The following ATF7 variants were observed in gnomAD, a reference collection of about 807,000 sequenced individuals.
ATF7 encodes cyclic AMP-dependent transcription factor ATF-7.
Under a neutral mutation model 50.4 loss-of-function variants are expected in ATF7, and 10 were observed. That is an observed-to-expected ratio of 0.20 (90% CI 0.12 to 0.34). The LOEUF is 0.34. Among genes scored for constraint, ATF7 ranks in the 10% least tolerant of loss-of-function variants. The pLI is 1.00. For missense variants in ATF7, 465 were observed against 613.9 expected (o/e 0.76, Z 2.56); for synonymous variants, 201 against 226.4 (o/e 0.89, Z 1.01).
At chr12:53,593,842 T>C (rs1487081291) in intron 2 of ATF7, among the ~76,000 whole-genome samples, 2 of 152,208 alleles carry the variant, frequency 1.3e-5, no homozygotes, top group Non-Finnish European at 2.9e-5. Context: ...GATTACTTAT[T>C]ATTATTTATA....
intron 2 of ATF7, among the ~76,000 whole-genome samples, chr12:53,590,239 C>T (rs763307635): frequency 1.3e-5 from 2 of 152,184 alleles, no homozygotes; most frequent in Non-Finnish European, 2.9e-5. Context: ...ATATCACAGT[C>T]GTCATTAAAC....
At chr12:53,585,394 T>C (rs1311613082) in intron 2 of ATF7, among the ~76,000 whole-genome samples, 1 of 152,144 alleles carries the variant, frequency 6.6e-6, no homozygotes, top group African/African-American at 2.4e-5. Context: ...CAAATTAGCA[T>C]TGTGGTTCAG....
chr12:53,582,727 C>T (rs180988031), intron 2 of ATF7, among the ~76,000 whole-genome samples: 3 of 152,188 alleles, frequency 2.0e-5, no homozygotes, highest in South Asian at 2.1e-4. Context: ...TACAAGTCCC[C>T]GCCACCACGC....
At chr12:53,599,221 G>A (rs76525569) in intron 2 of ATF7, among the ~76,000 whole-genome samples, 1 of 146,230 alleles carries the variant, frequency 6.8e-6, no homozygotes. Flanking sequence ...TTTTTTTTTT[G>A]TAAAGACAGG....
Position 53,600,968 on chromosome 12 carries a change from G to A in ATF7, c.33C>T (p.Ala11=). Residue 11 remains alanine, a synonymous_variant, in exon 2 of 12, where the codon GCC becomes GCT. Transcript: ENST00000420353. MGDDRPFVCN[A]PGCGQRFTNE... ...GTAAACGTACCTGTCCACAGCCCGG[G>A]GCATTGCACACAAACGGTCTGTCGT... 2 of 1,613,526 alleles carry A rather than the reference G, an allele frequency of 1.2e-6. No individual in the cohort carries two copies. Among genetic ancestry groups the A allele is most frequent in the Non-Finnish European group, 8.5e-7 (1 of 1,179,714 alleles).
chr12:53,550,323 C>CAAAAA (rs72114384), intron 3 of ATF7, among the ~76,000 whole-genome samples: 26 of 126,376 alleles, frequency 2.1e-4, no homozygotes, highest in Non-Finnish European at 3.2e-4. Context: ...GACCCTGTCT[C>CAAAAA]AAAAAAAAAA....
At chr12:53,555,648 T>C (rs923561777) in intron 2 of ATF7, among the ~76,000 whole-genome samples, 2 of 151,478 alleles carry the variant, frequency 1.3e-5, no homozygotes, top group African/African-American at 4.9e-5. Flanking sequence ...GTAGCTGGGA[T>C]TACAGGCATG....
At chr12:53,614,138 C>G (rs889197864) in intron 1 of ATF7, among the ~76,000 whole-genome samples, 5 of 152,118 alleles carry the variant, frequency 3.3e-5, no homozygotes, top group African/African-American at 1.2e-4. Context: ...CAGGCAACTA[C>G]TTGAAGTTTT....
chr12:53,508,436 T>G (rs1296294625), downstream of ATF7, among the ~76,000 whole-genome samples: 1 of 150,064 alleles, frequency 6.7e-6, no homozygotes, highest in Non-Finnish European at 1.5e-5. Flanking sequence ...GGTAGGCACC[T>G]GTAATCCCAG....
intron 5 of ATF7, among the ~76,000 whole-genome samples, chr12:53,534,876 C>T (rs187410639): frequency 6.6e-6 from 1 of 152,256 alleles, no homozygotes; most frequent in East Asian, 1.9e-4. Flanking sequence ...CTTTCAGAGA[C>T]AATGGCTACA....
intron 1 of ATF7, among the ~76,000 whole-genome samples, chr12:53,619,630 T>C (rs1357230537): frequency 6.6e-6 from 1 of 150,772 alleles, no homozygotes; most frequent in Non-Finnish European, 1.5e-5. Flanking sequence ...CTAGGCAACA[T>C]GGGAAACTCT....
intron 6 of ATF7, among the ~76,000 whole-genome samples, chr12:53,534,208 C>T (rs1283569625): frequency 2.0e-5 from 3 of 152,010 alleles, no homozygotes; most frequent in Non-Finnish European, 4.4e-5. Flanking sequence ...ACCCGGGAGA[C>T]GGAGCTTGCA....
chr12:53,530,049 A>G (rs1035855057), intron 9 of ATF7, among the ~76,000 whole-genome samples: 12 of 152,038 alleles, frequency 7.9e-5, no homozygotes, highest in African/African-American at 2.9e-4. Flanking sequence ...GCCTATTTAT[A>G]ATACAAATTT....
intron 6 of ATF7, 146 bp from the exon 7 acceptor site, chr12:53,533,405 T>A: frequency 1.6e-6 from 1 of 627,800 alleles, no homozygotes; most frequent in Non-Finnish European, 2.7e-6. Flanking sequence ...CTCATGAAGG[T>A]GAGAAGGCAG....
At chr12:53,518,170 C>T (rs1476718824) in intron 11 of ATF7, among the ~76,000 whole-genome samples, 2 of 152,228 alleles carry the variant, frequency 1.3e-5, no homozygotes, top group African/African-American at 4.8e-5. Context: ...AGGCCTATTC[C>T]ATTATTTTTA....
intron 1 of ATF7, among the ~76,000 whole-genome samples, chr12:53,608,955 A>G (rs1351905208): frequency 3.9e-5 from 6 of 152,176 alleles, no homozygotes; most frequent in Admixed American, 2.6e-4. Context: ...GGAACCCCAG[A>G]AAACAAAGTA....
intron 6 of ATF7, among the ~76,000 whole-genome samples, chr12:53,533,913 A>C (rs1337843482): frequency 6.6e-6 from 1 of 152,254 alleles, no homozygotes; most frequent in Non-Finnish European, 1.5e-5. Context: ...TGGTTTCCAC[A>C]CTGTAATGAA....
At chr12:53,576,870 C>A (rs537257580) in intron 2 of ATF7, among the ~76,000 whole-genome samples, 1 of 152,206 alleles carries the variant, frequency 6.6e-6, no homozygotes, top group African/African-American at 2.4e-5. Context: ...GCCTGGCCAA[C>A]ATGGTGAAAC....
At chr12:53,606,597 G>T (rs1449560692) in intron 1 of ATF7, among the ~76,000 whole-genome samples, 1 of 151,746 alleles carries the variant, frequency 6.6e-6, no homozygotes, top group Non-Finnish European at 1.5e-5. Context: ...AAGTTTTAGG[G>T]TACATGTGCA....
Sources: allele counts gnomAD v4.1 joint callset (sites outside exome capture counted in the v4.1 genomes callset), GRCh38; gene constraint gnomAD v4.1.1; transcripts MANE v1.5; gene names NCBI Gene and HGNC (gene_info 2026-07-23, HGNC 2026-07-21).